SCAI: variants seen among roughly 807,000 people sequenced by gnomAD.
SCAI encodes suppressor of cancer cell invasion, also known as protein SCAI.
In SCAI, 24 loss-of-function variants were observed where a neutral mutation model predicts 92.2. That is an observed-to-expected ratio of 0.26 (90% confidence interval 0.19 to 0.37). The LOEUF is 0.37. SCAI is among the 10% of genes least tolerant of loss of function. The pLI is 1.00. For missense variants in SCAI, 450 were observed against 736.2 expected (o/e 0.61, Z 4.50); for synonymous variants, 261 against 258.6 (o/e 1.01, Z -0.09).
intron 2 of SCAI, among the ~76,000 whole-genome samples, chr9:125,111,409 G>GA (rs1834926180): frequency 1.3e-5 from 2 of 151,966 alleles, no homozygotes; most frequent in Admixed American, 6.6e-5. Context: ...CTCCTATCTG[G>GA]AAAAAAAGGA....
In SCAI at chr9:124,977,832, C is replaced by T. The variant is rs1468684459; in HGVS notation, c.1327-1646G>A. Among the ~76,000 whole-genome samples, 5 of 152,072 alleles carry T rather than the reference C, an allele frequency of 3.3e-5. No homozygotes were observed. In the East Asian group the frequency reaches 9.6e-4, roughly 29 times the overall value. On this transcript the variant is annotated intron_variant, in intron 14 of 17. Transcript: ENST00000336505. ...GACTTATGTACACATAATAATGACA[C>T]CTCAGATTGGCTGGAAAAACTGAAT...
chr9:125,020,353 T>A (rs1832847499), intron 7 of SCAI, among the ~76,000 whole-genome samples: 1 of 152,182 alleles, frequency 6.6e-6, no homozygotes, highest in Non-Finnish European at 1.5e-5. Context: ...TTTCTTCACA[T>A]AACATTTCAA....
intron 2 of SCAI, among the ~76,000 whole-genome samples, chr9:125,069,796 TA>T (rs1833945283): frequency 6.6e-6 from 1 of 151,448 alleles, no homozygotes; most frequent in Non-Finnish European, 1.5e-5. Flanking sequence ...CTGATTTTTG[TA>T]CTTTAGTAGA....
At position 124,994,882 on chromosome 9, in the gene SCAI, C is replaced by T. The variant is rs775682790; in HGVS notation, c.1326+52G>A. The T allele has an allele frequency of 2.4e-6, 3 of 1,234,038 alleles. No homozygotes were observed. In the Admixed American group the frequency reaches 5.4e-5, roughly 22 times the overall value. 76.4% of individuals were successfully genotyped at this position (1,234,038 alleles called of 1,614,324 possible). A position where few individuals can be genotyped will look rare whatever the true frequency, so the allele number is the denominator to read the frequency against. On this transcript the variant is annotated intron_variant, in intron 14 of 17. Transcript: ENST00000336505. The stretch of plus-strand genomic sequence containing the variant: ...AAGGCACACATTAAGAGTGGGTACC[C>T]TTGGGTTGGTGCCACAATGTCTACC...
intron 2 of SCAI, among the ~76,000 whole-genome samples, chr9:125,107,606 A>G (rs1485815268): frequency 1.3e-5 from 2 of 151,838 alleles, no homozygotes; most frequent in African/African-American, 4.8e-5. Context: ...TCTCTAAGAA[A>G]ATTTTAAATA....
chr9:124,980,253 T>C (rs1424602867), intron 14 of SCAI, among the ~76,000 whole-genome samples: 2 of 152,050 alleles, frequency 1.3e-5, no homozygotes, highest in Non-Finnish European at 2.9e-5. Flanking sequence ...TTGCTATTAT[T>C]TATTTCTAAA....
intron 2 of SCAI, among the ~76,000 whole-genome samples, chr9:125,140,450 C>G (rs755371971): frequency 6.6e-6 from 1 of 152,124 alleles, no homozygotes; most frequent in Middle Eastern, 3.2e-3. Context: ...ATTGCTTGAA[C>G]CCAGGAGGCG....
In SCAI at chr9:125,094,864, C is replaced by T. The variant is rs117217918; in HGVS notation, c.99-38857G>A. Reference sequence around the variant, plus strand: ...ACTTCATGAGGGGAGGGACATTTCCCTATCTCCAATGTCTATAATAAAGCC... The same window carrying T: ...ACTTCATGAGGGGAGGGACATTTCCTTATCTCCAATGTCTATAATAAAGCC... On this transcript the variant is annotated intron_variant, in intron 2 of 17. Transcript: ENST00000336505. Among the ~76,000 whole-genome samples, 55 of 152,260 alleles carry T rather than the reference C, an allele frequency of 3.6e-4. No individual in the cohort carries two copies. In the East Asian group the frequency reaches 9.2e-3, roughly 26 times the overall value.
intron 2 of SCAI, among the ~76,000 whole-genome samples, chr9:125,102,795 G>A (rs373137701): frequency 2.0e-5 from 3 of 151,886 alleles, no homozygotes; most frequent in South Asian, 4.1e-4. Context: ...GCGGGGTTTC[G>A]CCATGTTGGC....
At position 125,139,021 on chromosome 9, in the gene SCAI, G is replaced by A. The variant is rs1835606730; in HGVS notation, c.98+3612C>T. 2.6e-5 allele frequency among the ~76,000 whole-genome samples: 4 copies of A among 152,190 alleles called. No individual in the cohort carries two copies. In the South Asian group the frequency reaches 8.3e-4, roughly 32 times the overall value. ...GACCCAATAAGGTGGAGCAGAGGGA[G>A]GGTGGGGGGAAGCCCTCACTGAGCA... On this transcript the variant is annotated intron_variant, in intron 2 of 17. Transcript: ENST00000336505.
At chr9:125,136,784 TTTG>T (rs1564136779) in intron 2 of SCAI, among the ~76,000 whole-genome samples, 2 of 146,616 alleles carry the variant, frequency 1.4e-5, no homozygotes, top group Admixed American at 6.8e-5. Context: ...TTTTTTTTTT[TTTG>T]AGACGAAGTC....
rs1831254027 is a variant in SCAI, at chr9:124,952,946, C to T, written c.1682G>A (p.Arg561Gln). ...MRMHKIFRET[R>Q]NYPESYPQLP... The stretch of plus-strand genomic sequence containing the variant: ...TTGTGGATATGATTCTGGATAATTT[C>T]GTGTTTCCTGGTAGGCAAAGAAGAG... The change falls in exon 18 of 18, where the codon CGA becomes CAA. Residue 561 changes from arginine to glutamine, a missense_variant. Physicochemically the swap from Arg to Gln is conservative, Grantham distance 43. This residue lies in a region of SCAI where 360 missense variants were observed against 601.8 expected (regional missense o/e 0.60). Transcript: ENST00000336505. The T allele has an allele frequency of 3.1e-6, 5 of 1,612,902 alleles. No individual in the cohort carries two copies. The highest frequency in any genetic ancestry group is 4.2e-6 in the Non-Finnish European group (5 of 1,179,702).
chr9:125,143,253 C>T (rs1000143117), intron 1 of SCAI, 132 bp downstream of exon 1: 2 of 363,196 alleles, frequency 5.5e-6, no homozygotes, highest in African/African-American at 2.2e-5. Context: ...CCCCCAAGGT[C>T]CCCCCAGCCT....
intron 3 of SCAI, among the ~76,000 whole-genome samples, chr9:125,042,362 A>G (rs920535125): frequency 1.3e-5 from 2 of 152,016 alleles, no homozygotes; most frequent in African/African-American, 4.8e-5. Flanking sequence ...AAAACTCAGG[A>G]AATCTCTGTA....
intron 14 of SCAI, among the ~76,000 whole-genome samples, chr9:124,987,780 G>A (rs1346094296): frequency 6.6e-6 from 1 of 152,028 alleles, no homozygotes; most frequent in Non-Finnish European, 1.5e-5. Context: ...TGGCCAACAT[G>A]GGGAAACCCT....
Position 124,950,454 on chromosome 9 carries a change from C to T in SCAI, c.*2353G>A, listed in dbSNP as rs575215768. On this transcript the variant is annotated 3_prime_UTR_variant, in exon 18 of 18. Transcript: ENST00000336505. ...ATGCTTAACGGGGGAGGATAAAGCT[C>T]AGAACAGTAAATACTATTTTAAACA... 6.6e-6 allele frequency: 1 copy of T among 152,100 alleles called. No homozygotes were observed. Among genetic ancestry groups the T allele is most frequent in the African/African-American group, 2.4e-5 (1 of 41,484 alleles). The allele number at this position is 152,100 out of a possible 1,614,324, so 9.4% of individuals were successfully genotyped here.
intron 6 of SCAI, among the ~76,000 whole-genome samples, chr9:125,022,675 C>T (rs138188438): frequency 6.6e-6 from 1 of 152,272 alleles, no homozygotes; most frequent in East Asian, 1.9e-4. Context: ...ATCTTAGCCA[C>T]CCAAAGTGTT....
chr9:125,087,976 T>C (rs776994909), intron 2 of SCAI, among the ~76,000 whole-genome samples: 1 of 152,208 alleles, frequency 6.6e-6, no homozygotes, highest in Non-Finnish European at 1.5e-5. Context: ...CAATTCATGA[T>C]TGTTGAAGTT....
At chr9:125,019,958 C>T (rs1268415572) in intron 7 of SCAI, among the ~76,000 whole-genome samples, 1 of 151,710 alleles carries the variant, frequency 6.6e-6, no homozygotes, top group African/African-American at 2.4e-5. Flanking sequence ...CCTATGATTC[C>T]AGCTACTCAG....
Sources: allele counts gnomAD v4.1 joint callset (sites outside exome capture counted in the v4.1 genomes callset), GRCh38; gene constraint gnomAD v4.1.1; regional missense constraint gnomAD v4.1.1; transcripts MANE v1.5; gene names NCBI Gene and HGNC (gene_info 2026-07-23, HGNC 2026-07-21).